RASA1: variants seen among roughly 807,000 people sequenced by gnomAD.
RASA1 encodes the protein ras GTPase-activating protein 1.
A neutral mutation model predicts 132.2 loss-of-function variants in RASA1; 25 were observed. The observed-to-expected ratio is 0.19, with a 90% CI of 0.14 to 0.26. RASA1 has a LOEUF of 0.26. Among genes scored for constraint, RASA1 ranks in the 10% least tolerant of loss-of-function variants. The pLI is 1.00. For synonymous variants in RASA1, 477 were observed against 449.9 expected, an observed-to-expected ratio of 1.06 and a Z score of -0.76; for missense variants, 964 against 1,299.2, an observed-to-expected ratio of 0.74 and a Z score of 3.97.
intron 1 of RASA1, among the ~76,000 whole-genome samples, chr5:87,276,436 A>G (rs1754064248): frequency 6.6e-6 from 1 of 152,204 alleles, no homozygotes; most frequent in Admixed American, 6.5e-5. Context: ...GTCTTGTCAC[A>G]TCTCTACAGG....
intron 8 of RASA1, among the ~76,000 whole-genome samples, chr5:87,352,690 GTT>G (rs1055259056): frequency 6.6e-6 from 1 of 151,118 alleles, no homozygotes; most frequent in Non-Finnish European, 1.5e-5. Context: ...CTTTTCATGT[GTT>G]TTATGACCTG....
chr5:87,312,463 T>C (rs1561272574), intron 1 of RASA1, among the ~76,000 whole-genome samples: 2 of 152,230 alleles, frequency 1.3e-5, no homozygotes, highest in African/African-American at 2.4e-5. Context: ...TCTAAACATT[T>C]AAGATTTTCT....
rs1029154289 is a variant in RASA1, at chr5:87,375,306, G to A, written c.2011+390G>A. ...ATGGAGTCTTGCTCTTGTTGCTCAG[G>A]CTGCAGTGCAGTGGTGTGATCTCGG... On this transcript the variant is annotated intron_variant, in intron 15 of 24. Coordinates refer to ENST00000274376, the MANE Select transcript of RASA1 (RefSeq NM_002890.3). Among the ~76,000 whole-genome samples, 13 of 151,932 alleles carry A rather than the reference G, an allele frequency of 8.6e-5. No individual in the cohort carries two copies. In the South Asian group the frequency reaches 1.0e-3, roughly 12 times the overall value.
chr5:87,281,208 A>C (rs972442045), intron 1 of RASA1, among the ~76,000 whole-genome samples: 1 of 151,826 alleles, frequency 6.6e-6, no homozygotes, highest in East Asian at 1.9e-4. Context: ...GCAGCAATGC[A>C]CAAGGGTTAG....
At chr5:87,377,788 T>C (rs1761426244) in intron 17 of RASA1, among the ~76,000 whole-genome samples, 1 of 152,194 alleles carries the variant, frequency 6.6e-6, no homozygotes, top group African/African-American at 2.4e-5. Flanking sequence ...CTTTGATTCA[T>C]TAACAGTTCT....
At chr5:87,338,536 A>ATTTTTTTTTTTTTTT (rs1232583853) in intron 5 of RASA1, among the ~76,000 whole-genome samples, 1 of 85,216 alleles carries the variant, frequency 1.2e-5, no homozygotes, top group African/African-American at 4.4e-5. Context: ...TATATATAAA[A>ATTTTTTTTTTTTTTT]TTTTTTTTTT....
intron 1 of RASA1, among the ~76,000 whole-genome samples, chr5:87,297,547 G>T (rs187489856): frequency 6.6e-6 from 1 of 152,304 alleles, no homozygotes; most frequent in African/African-American, 2.4e-5. Flanking sequence ...CTGGAATTTG[G>T]TATTTCCCTT....
At chr5:87,376,790 G>T in intron 16 of RASA1, 91 bp from the exon 17 acceptor site, 1 of 1,356,624 alleles carries the variant, frequency 7.4e-7, no homozygotes, top group Non-Finnish European at 1.0e-6. Flanking sequence ...TTAAATATAA[G>T]AACTTGTGAA....
chr5:87,338,534 A>ATATATATATATATATAT (rs1561292504), intron 5 of RASA1, among the ~76,000 whole-genome samples: 35 of 46,096 alleles, frequency 7.6e-4, no homozygotes, highest in Non-Finnish European at 1.4e-3. Flanking sequence ...TATATATATA[A>ATATATATATATATATAT]AATTTTTTTT....
chr5:87,323,385 ATGGGCATAT>A (rs969772652), intron 1 of RASA1, among the ~76,000 whole-genome samples: 21 of 152,204 alleles, frequency 1.4e-4, no homozygotes, highest in African/African-American at 3.4e-4. Flanking sequence ...TAGTAGAAAA[ATGGGCATAT>A]TGTGGAGAAC....
chr5:87,275,983 A>G (rs561229964), intron 1 of RASA1, among the ~76,000 whole-genome samples: 8 of 152,288 alleles, frequency 5.3e-5, no homozygotes, highest in South Asian at 4.1e-4. Context: ...TAATGTTCCA[A>G]TGGTGAGTGC....
At chr5:87,374,457 A>ATT (rs1441691916) in intron 14 of RASA1, 137 bp downstream of exon 14, 11 of 244,004 alleles carry the variant, frequency 4.5e-5, no homozygotes, top group South Asian at 1.5e-4. Flanking sequence ...ATATATATAT[A>ATT]TATTTTTTTT....
At chr5:87,286,897 C>G (rs989083555) in intron 1 of RASA1, among the ~76,000 whole-genome samples, 3 of 149,504 alleles carry the variant, frequency 2.0e-5, no homozygotes, top group African/African-American at 7.4e-5. Flanking sequence ...TATACATATA[C>G]ACCATATATA....
chr5:87,275,353 T>C (rs554061920), intron 1 of RASA1, among the ~76,000 whole-genome samples: 1 of 152,346 alleles, frequency 6.6e-6, no homozygotes, highest in African/African-American at 2.4e-5. Flanking sequence ...CTCCAAAACA[T>C]AGTGGCTAAA....
At position 87,285,606 on chromosome 5, in the gene RASA1, CTT is replaced by C. The variant is rs1754516456; in HGVS notation, c.539+16620_539+16621del. 3.5e-5 allele frequency among the ~76,000 whole-genome samples: 5 copies of C among 143,008 alleles called. No homozygotes were observed. The South Asian group carries it at 1.1e-3, about 31-fold the overall frequency. 93.8% of individuals were successfully genotyped at this position (143,008 alleles called of 152,430 possible). A position where few individuals can be genotyped will look rare whatever the true frequency, so the allele number is the denominator to read the frequency against. ...TTTTTTTTAAGATTTCAGTCAGTCT[CTT>C]TTTCTTTTTCTTTTTTTTTTTTTTT... On this transcript the variant is annotated intron_variant, in intron 1 of 24. Transcript: ENST00000274376.
chr5:87,268,417 C>A lies in RASA1; in HGVS notation c.-35C>A. 2 of 1,492,726 alleles carry A rather than the reference C, an allele frequency of 1.3e-6. No homozygotes were observed. The highest frequency in any genetic ancestry group is 1.3e-5 in the South Asian group (1 of 75,730). 92.5% of individuals were successfully genotyped at this position (1,492,726 alleles called of 1,614,324 possible). A position where few individuals can be genotyped will look rare whatever the true frequency, so the allele number is the denominator to read the frequency against. On this transcript the variant is annotated 5_prime_UTR_variant, in exon 1 of 25. Transcript: ENST00000274376. ...CCTGGTGGCCCCTGGGGCTCCCGGG[C>A]GGGCAGGGTAGGGCAGAGTAGAGCG... is the stretch of plus-strand genomic sequence containing the variant.
At chr5:87,381,849 A>C (rs955023631) in intron 20 of RASA1, among the ~76,000 whole-genome samples, 1 of 152,224 alleles carries the variant, frequency 6.6e-6, no homozygotes, top group African/African-American at 2.4e-5. Flanking sequence ...CATTTTTGCC[A>C]AGGTTAGGTT....
chr5:87,294,062 A>G (rs912809984), intron 1 of RASA1: 9 of 152,194 alleles, frequency 5.9e-5, no homozygotes, highest in African/African-American at 2.2e-4. Context: ...CCTGTTATCA[A>G]TTCCATTGAT....
chr5:87,338,536 A>ATATATATATATATATATATATATTT, intron 5 of RASA1, among the ~76,000 whole-genome samples: 4 of 85,218 alleles, frequency 4.7e-5, no homozygotes, highest in Non-Finnish European at 9.3e-5. Context: ...TATATATAAA[A>ATATATATATATATATATATATATTT]TTTTTTTTTT....
Sources: allele counts gnomAD v4.1 joint callset (sites outside exome capture counted in the v4.1 genomes callset), GRCh38; gene constraint gnomAD v4.1.1; transcripts MANE v1.5; gene names NCBI Gene and HGNC (gene_info 2026-07-23, HGNC 2026-07-21).